The following FOXP1 variants were observed in gnomAD, a reference collection of about 807,000 sequenced individuals.
FOXP1 encodes the protein forkhead box P1.
In FOXP1, 15 loss-of-function variants were observed where a neutral mutation model predicts 98.2. The observed-to-expected ratio is 0.15, with a 90% confidence interval of 0.10 to 0.24. The LOEUF (loss-of-function observed/expected upper bound fraction) is 0.24, where lower values mean the gene tolerates loss of function less well. FOXP1 is among the 10% of genes least tolerant of loss of function. The pLI is 1.00. For synonymous variants in FOXP1, 371 were observed against 314.5 expected, an observed-to-expected ratio of 1.18 and a Z score of -1.90; for missense variants, 633 against 848.5, an observed-to-expected ratio of 0.75 and a Z score of 3.15.
At chr3:71,341,072 CA>C (rs1182339177) in intron 4 of FOXP1, among the ~76,000 whole-genome samples, 2 of 152,136 alleles carry the variant, frequency 1.3e-5, no homozygotes, top group Non-Finnish European at 2.9e-5. Context: ...GGCAGAAGAT[CA>C]GCAAGGAAAT....
intron 6 of FOXP1, among the ~76,000 whole-genome samples, chr3:71,146,904 T>C (rs1190470039): frequency 6.6e-6 from 1 of 152,202 alleles, no homozygotes; most frequent in Non-Finnish European, 1.5e-5. Context: ...CGGGGAACAA[T>C]GTTAAGCCAT....
intron 2 of FOXP1, among the ~76,000 whole-genome samples, chr3:71,568,992 C>T (rs994498478): frequency 2.0e-5 from 3 of 152,164 alleles, no homozygotes; most frequent in African/African-American, 7.2e-5. Flanking sequence ...GATTTTTATA[C>T]CACATTTTTA....
intron 3 of FOXP1, among the ~76,000 whole-genome samples, chr3:71,456,535 C>T (rs552826107): frequency 6.6e-6 from 1 of 152,268 alleles, no homozygotes; most frequent in Admixed American, 6.5e-5. Context: ...CCTTTTCTCT[C>T]CTAGAGACTA....
At chr3:71,180,333 T>C (rs186420507) in intron 6 of FOXP1, among the ~76,000 whole-genome samples, 2 of 152,256 alleles carry the variant, frequency 1.3e-5, no homozygotes, top group East Asian at 1.9e-4. Flanking sequence ...ATGTAGTATA[T>C]AATTATTTGC....
chr3:71,442,941 G>T (rs759377698), intron 3 of FOXP1, among the ~76,000 whole-genome samples: 2 of 152,052 alleles, frequency 1.3e-5, no homozygotes, highest in Non-Finnish European at 2.9e-5. Context: ...GGCTGGGCTG[G>T]AGTGCAGTGG....
chr3:71,090,981 C>G (rs1157997011), intron 7 of FOXP1, among the ~76,000 whole-genome samples: 1 of 151,980 alleles, frequency 6.6e-6, no homozygotes, highest in Non-Finnish European at 1.5e-5. Context: ...TTTTGTGTGT[C>G]CAGACCACTG....
At chr3:71,167,699 T>C (rs1186097776) in intron 6 of FOXP1, among the ~76,000 whole-genome samples, 1 of 152,180 alleles carries the variant, frequency 6.6e-6, no homozygotes, top group African/African-American at 2.4e-5. Flanking sequence ...CTGCAGTTAT[T>C]TTACATTATT....
intron 5 of FOXP1, among the ~76,000 whole-genome samples, chr3:71,215,644 A>C (rs1253488967): frequency 2.8e-5 from 4 of 144,466 alleles, no homozygotes; most frequent in Non-Finnish European, 6.1e-5. Flanking sequence ...ACTAACACTG[A>C]ATTCTCAGTT....
intron 5 of FOXP1, among the ~76,000 whole-genome samples, chr3:71,209,344 G>A (rs1000294415): frequency 1.7e-4 from 26 of 151,962 alleles, no homozygotes; most frequent in African/African-American, 6.3e-4. Flanking sequence ...GAAATATATG[G>A]GTCAAACACA....
At chr3:71,370,937 GA>G (rs1395778905) in intron 3 of FOXP1, among the ~76,000 whole-genome samples, 1 of 151,770 alleles carries the variant, frequency 6.6e-6, no homozygotes, top group African/African-American at 2.4e-5. Flanking sequence ...AAGTAACTGG[GA>G]CTACAGGCAC....
chr3:70,967,527 G>C (rs1443870696), intron 19 of FOXP1, among the ~76,000 whole-genome samples: 1 of 151,996 alleles, frequency 6.6e-6, no homozygotes, highest in Non-Finnish European at 1.5e-5. Flanking sequence ...TCATTTTGAT[G>C]AACAGCAAAT....
intron 11 of FOXP1, among the ~76,000 whole-genome samples, chr3:71,032,999 G>C (rs1393864749): frequency 6.6e-6 from 1 of 152,174 alleles, no homozygotes; most frequent in Non-Finnish European, 1.5e-5. Flanking sequence ...ATAGGTAAAA[G>C]AGTAAAACCG....
chr3:71,491,068 T>C (rs977391500), intron 3 of FOXP1, among the ~76,000 whole-genome samples: 1 of 152,142 alleles, frequency 6.6e-6, no homozygotes, highest in Non-Finnish European at 1.5e-5. Flanking sequence ...CAGGCTGGAG[T>C]GCAGTGGCAC....
intron 11 of FOXP1, among the ~76,000 whole-genome samples, chr3:71,022,939 G>A (rs2045622197): frequency 6.6e-6 from 1 of 152,162 alleles, no homozygotes; most frequent in Admixed American, 6.5e-5. Context: ...GAGTATCGGT[G>A]TCTTCATCAT....
chr3:71,238,470 G>T (rs1197179595), intron 5 of FOXP1, among the ~76,000 whole-genome samples: 2 of 152,104 alleles, frequency 1.3e-5, no homozygotes, highest in Non-Finnish European at 2.9e-5. Context: ...GGAAAGGGAA[G>T]ATTCAAGTGC....
Position 70,977,737 on chromosome 3 carries a change from T to A in FOXP1, c.1349-15A>T. The A allele has an allele frequency of 1.2e-6, 2 of 1,613,636 alleles. No homozygotes were observed. The highest frequency in any genetic ancestry group is 1.7e-6 in the Non-Finnish European group (2 of 1,179,494). ...CGCAATATCTGCTGAATAAGAATCA[T>A]TGTCCTATTAATTATCACTTTTTCA... On this transcript the variant is annotated splice_polypyrimidine_tract_variant and intron_variant, in intron 15 of 20. Coordinates refer to ENST00000649528, the MANE Select transcript of FOXP1 (RefSeq NM_001349338.3).
intron 6 of FOXP1, among the ~76,000 whole-genome samples, chr3:71,148,223 A>G (rs1382425518): frequency 6.6e-6 from 1 of 152,162 alleles, no homozygotes; most frequent in African/African-American, 2.4e-5. Context: ...TTAAAAGTAC[A>G]AAAATTAGCC....
chr3:71,394,871 C>T (rs943508459), intron 3 of FOXP1, among the ~76,000 whole-genome samples: 15 of 152,134 alleles, frequency 9.9e-5, no homozygotes, highest in Middle Eastern at 3.4e-3. Flanking sequence ...GAGGCCGAGA[C>T]GGGCAGATCA....
intron 3 of FOXP1, among the ~76,000 whole-genome samples, chr3:71,390,975 A>T (rs2080990034): frequency 6.6e-6 from 1 of 152,186 alleles, no homozygotes; most frequent in Non-Finnish European, 1.5e-5. Flanking sequence ...GTAAAAAATC[A>T]AATTGTTTGT....
Sources: gnomAD v4.1 joint callset for allele counts (sites outside exome capture counted in the v4.1 genomes callset) on GRCh38, gnomAD v4.1.1 for gene constraint, MANE v1.5 for transcripts, NCBI Gene and HGNC (gene_info 2026-07-23, HGNC 2026-07-21) for gene names.